The following HPCAL1 variants were observed in gnomAD, a reference collection of about 807,000 sequenced individuals.
HPCAL1 encodes hippocalcin-like protein 1.
In HPCAL1, 8 loss-of-function variants were observed where a neutral mutation model predicts 17.1. The observed-to-expected ratio is 0.47, with a 90% confidence interval of 0.27 to 0.84. The LOEUF (loss-of-function observed/expected upper bound fraction) is 0.84, where lower values mean the gene tolerates loss of function less well. HPCAL1 is among the 40% of genes least tolerant of loss of function. The probability of loss-of-function intolerance (pLI) is 0.13; values close to 1 mark genes in which losing one functional copy is unlikely to be tolerated. For synonymous variants in HPCAL1, 112 were observed against 111.4 expected (o/e 1.01, Z -0.03); for missense variants, 165 against 271.1 (o/e 0.61, Z 2.75).
At position 10,362,646 on chromosome 2, in the gene HPCAL1, G is replaced by C. The variant is rs369364925; in HGVS notation, c.-110-34189G>C. Among the ~76,000 whole-genome samples the C allele has an allele frequency of 2.1e-4, 32 of 152,348 alleles. No individual in the cohort carries two copies. The highest frequency in any genetic ancestry group is 7.5e-4 in the African/African-American group (31 of 41,592). Reference sequence around the variant, plus strand: ...CCCAGGCTGATTATCTGCAGACCGGGATCCCATTTCTGCTGCTTTGGGAGA... The same window carrying C: ...CCCAGGCTGATTATCTGCAGACCGGCATCCCATTTCTGCTGCTTTGGGAGA... On this transcript the variant is annotated intron_variant, in intron 1 of 4. Coordinates refer to ENST00000307845, the MANE Select transcript of HPCAL1 (RefSeq NM_002149.4). This position sits in a 1 kb window ranked among gnomAD's most constrained non-coding sequence, Gnocchi z 5.0.
intron 1 of HPCAL1, among the ~76,000 whole-genome samples, chr2:10,375,929 T>C (rs1157831602): frequency 6.6e-6 from 1 of 152,204 alleles, no homozygotes; most frequent in East Asian, 1.9e-4. Flanking sequence ...TCCAAGTCCA[T>C]GTTGAAATGT....
At chr2:10,397,548 G>C (rs1219681368) in intron 2 of HPCAL1, among the ~76,000 whole-genome samples, 2 of 152,224 alleles carry the variant, frequency 1.3e-5, no homozygotes, top group African/African-American at 2.4e-5. Flanking sequence ...TGCGAGGAAG[G>C]CTTGAGGGAG....
Position 10,343,079 on chromosome 2 carries a change from A to C in HPCAL1, c.-111+39902A>C, listed in dbSNP as rs1665196435. On this transcript the variant is annotated intron_variant, in intron 1 of 4. Transcript: ENST00000307845. The surrounding 1 kb of genome is among the most constrained non-coding windows in gnomAD (Gnocchi z 4.8). ...AGAGTAGGGGTCCTTCCCCAGCTCC[A>C]GGCCCTGTGTGTTTCCAAGTGGGCC... 6.6e-6 allele frequency among the ~76,000 whole-genome samples: 1 copy of C among 152,176 alleles called. No individual in the cohort carries two copies. The highest frequency in any genetic ancestry group is 2.1e-4 in the South Asian group (1 of 4,834).
intron 2 of HPCAL1, among the ~76,000 whole-genome samples, chr2:10,407,032 G>A (rs1392446084): frequency 1.3e-5 from 2 of 152,034 alleles, no homozygotes; most frequent in East Asian, 1.9e-4. Flanking sequence ...CTATGATGAC[G>A]CCGCACTGGT....
chr2:10,414,606 T>A (rs1400214553), intron 2 of HPCAL1, among the ~76,000 whole-genome samples: 1 of 152,132 alleles, frequency 6.6e-6, no homozygotes, highest in Non-Finnish European at 1.5e-5. Flanking sequence ...CCAAGTACAG[T>A]CCCATTCTGA....
At chr2:10,325,423 T>TC (rs1677185067) in intron 1 of HPCAL1, among the ~76,000 whole-genome samples, 1 of 152,362 alleles carries the variant, frequency 6.6e-6, no homozygotes, top group Admixed American at 6.5e-5. Context: ...GGGTGATTTG[T>TC]CCCTAGTCTC....
intron 1 of HPCAL1, among the ~76,000 whole-genome samples, chr2:10,322,165 G>A (rs1043603548): frequency 2.0e-5 from 3 of 152,114 alleles, no homozygotes; most frequent in African/African-American, 7.2e-5. Context: ...TGGGACTACA[G>A]GCATACCCCA....
chr2:10,315,715 A>G (rs1663272603), intron 1 of HPCAL1, among the ~76,000 whole-genome samples: 1 of 152,198 alleles, frequency 6.6e-6, no homozygotes, highest in African/African-American at 2.4e-5. Context: ...GACATAAAGA[A>G]AAACATTCAG....
Position 10,310,313 on chromosome 2 carries a change from G to A in HPCAL1, c.-111+7136G>A, listed in dbSNP as rs1298867287. On this transcript the variant is annotated intron_variant, in intron 1 of 4. Transcript: ENST00000307845. The surrounding 1 kb of genome is among the most constrained non-coding windows in gnomAD (Gnocchi z 4.5). ...CCTAGGTGAGTCTGGCTGGTCACGT[G>A]TGGAATAAGTGGTGGTGGCTGCCAT... is the stretch of plus-strand genomic sequence containing the variant. Among the ~76,000 whole-genome samples the A allele has an allele frequency of 2.6e-5, 4 of 152,164 alleles. No homozygotes were observed. In the East Asian group the frequency reaches 5.8e-4, roughly 22 times the overall value.
At chr2:10,421,919 GT>G (rs1254556303) in intron 3 of HPCAL1, among the ~76,000 whole-genome samples, 1 of 152,168 alleles carries the variant, frequency 6.6e-6, no homozygotes, top group Non-Finnish European at 1.5e-5. Flanking sequence ...CTCTGGTACT[GT>G]CGTCACTTTC....
intron 2 of HPCAL1, among the ~76,000 whole-genome samples, chr2:10,400,356 G>C (rs145813151): frequency 1.3e-5 from 2 of 152,228 alleles, no homozygotes; most frequent in Admixed American, 1.3e-4. Flanking sequence ...CCTCCTCCCA[G>C]GCTTAAGAGA....
At chr2:10,346,660 T>A (rs375391334) in intron 1 of HPCAL1, among the ~76,000 whole-genome samples, 1 of 152,222 alleles carries the variant, frequency 6.6e-6, no homozygotes, top group African/African-American at 2.4e-5. Flanking sequence ...ATGGATATGA[T>A]GTGCAAGGAG....
intron 2 of HPCAL1, among the ~76,000 whole-genome samples, chr2:10,417,878 C>CAAA (rs1267172447): frequency 1.5e-5 from 2 of 134,360 alleles, no homozygotes; most frequent in Admixed American, 7.5e-5. Context: ...CCTGTTTCTA[C>CAAA]AAAAAAAAAA....
intron 1 of HPCAL1, among the ~76,000 whole-genome samples, chr2:10,379,708 A>G (rs1667822055): frequency 6.6e-6 from 1 of 152,238 alleles, no homozygotes; most frequent in Admixed American, 6.5e-5. Flanking sequence ...ATTAAATTCC[A>G]GAGGCTCTGG....
chr2:10,378,223 G>GTTTTTT (rs58697364), intron 1 of HPCAL1, among the ~76,000 whole-genome samples: 3 of 96,246 alleles, frequency 3.1e-5, no homozygotes, highest in Admixed American at 1.2e-4. Flanking sequence ...GTGGTTTCAT[G>GTTTTTT]TTTTTTTTTT....
At chr2:10,410,841 C>T (rs753971987) in intron 2 of HPCAL1, among the ~76,000 whole-genome samples, 9 of 152,092 alleles carry the variant, frequency 5.9e-5, no homozygotes, top group African/African-American at 1.9e-4. Flanking sequence ...TGCTTTTGCT[C>T]GGTCGTCTTA....
chr2:10,341,884 G>A lies in HPCAL1; in HGVS notation c.-111+38707G>A, dbSNP rs150718730. Among the ~76,000 whole-genome samples, 225 of 152,252 alleles carry A rather than the reference G, an allele frequency of 1.5e-3. 3 individuals are homozygous for A. Among genetic ancestry groups the A allele is most frequent in the African/African-American group, 4.9e-3 (203 of 41,534 alleles). ...ATTTCAAAGTTTCTCTGGGCTGGGC[G>A]TGCTGGCTCACACGTGTAATCCCAG... On this transcript the variant is annotated intron_variant, in intron 1 of 4. Transcript: ENST00000307845.
At chr2:10,421,774 G>C (rs1342062585) in intron 3 of HPCAL1, among the ~76,000 whole-genome samples, 2 of 152,174 alleles carry the variant, frequency 1.3e-5, no homozygotes, top group East Asian at 3.8e-4. Flanking sequence ...GGGAACTTCA[G>C]GGGTGGGCCT....
intron 1 of HPCAL1, among the ~76,000 whole-genome samples, chr2:10,346,444 C>T (rs928092890): frequency 2.0e-5 from 3 of 152,178 alleles, no homozygotes; most frequent in Admixed American, 6.5e-5. Flanking sequence ...ACTTTGTCTG[C>T]CTGGCCCCAG....
Sources: allele counts gnomAD v4.1 joint callset (sites outside exome capture counted in the v4.1 genomes callset), GRCh38; gene constraint gnomAD v4.1.1; non-coding constraint Gnocchi (gnomAD v3.1); transcripts MANE v1.5; gene names NCBI Gene and HGNC (gene_info 2026-07-23, HGNC 2026-07-21).